Variants in CSMD1 observed in about 807,000 individuals in gnomAD.
CSMD1 encodes CUB and Sushi multiple domains 1, also known as CUB and sushi domain-containing protein 1.
Under a neutral mutation model 417.5 loss-of-function variants are expected in CSMD1, and 213 were observed. That is an observed-to-expected ratio of 0.51 (90% CI 0.46 to 0.57). The LOEUF (loss-of-function observed/expected upper bound fraction) is 0.57, where lower values mean the gene tolerates loss of function less well. CSMD1 is among the 20% of genes least tolerant of loss of function. The pLI, the probability that CSMD1 is intolerant of heterozygous loss-of-function variation, is 0.00. For missense variants in CSMD1, 6,923 were observed against 4,529.7 expected (o/e 1.53, Z -15.17); for synonymous variants, 2,862 against 1,736.8 (o/e 1.65, Z -16.11).
intron 2 of CSMD1, among the ~76,000 whole-genome samples, chr8:4,495,532 G>T (rs1424259881): frequency 6.6e-6 from 1 of 151,930 alleles, no homozygotes; most frequent in East Asian, 1.9e-4. Context: ...CCAGTATCTC[G>T]CCACTGCACT....
At chr8:3,541,222 C>G (rs775027434) in intron 10 of CSMD1, among the ~76,000 whole-genome samples, 3 of 152,200 alleles carry the variant, frequency 2.0e-5, no homozygotes, top group African/African-American at 7.2e-5. Flanking sequence ...AGATCACGTG[C>G]TTTGCAGGAA....
chr8:3,690,589 G>A (rs935126929), intron 7 of CSMD1, among the ~76,000 whole-genome samples: 8 of 152,134 alleles, frequency 5.3e-5, no homozygotes, highest in Non-Finnish European at 1.2e-4. Flanking sequence ...TCAGTGAGAT[G>A]TGATTCAACG....
At chr8:4,307,143 C>G (rs190065168) in intron 3 of CSMD1, among the ~76,000 whole-genome samples, 43 of 152,238 alleles carry the variant, frequency 2.8e-4, no homozygotes, top group African/African-American at 7.0e-4. Flanking sequence ...ACTGAGTTCC[C>G]ATTTCTACTT....
chr8:4,932,119 G>A (rs1042830241), intron 1 of CSMD1, among the ~76,000 whole-genome samples: 3 of 152,164 alleles, frequency 2.0e-5, no homozygotes, highest in Non-Finnish European at 2.9e-5. Flanking sequence ...ATCTTTCAAT[G>A]TTTAATCACA....
chr8:4,047,226 C>A (rs1798193695), intron 3 of CSMD1, among the ~76,000 whole-genome samples: 1 of 152,020 alleles, frequency 6.6e-6, no homozygotes, highest in South Asian at 2.1e-4. Flanking sequence ...CAGTCTGACT[C>A]TAGTGTTCAT....
intron 12 of CSMD1, among the ~76,000 whole-genome samples, chr8:3,463,632 C>G (rs1419414452): frequency 6.6e-6 from 1 of 152,190 alleles, no homozygotes; most frequent in African/African-American, 2.4e-5. Context: ...GTCCTCGGTT[C>G]AGGGACAGCA....
chr8:3,418,673 C>T (rs893411785), intron 12 of CSMD1, among the ~76,000 whole-genome samples: 4 of 152,058 alleles, frequency 2.6e-5, no homozygotes, highest in Non-Finnish European at 5.9e-5. Context: ...TCCAGTGATC[C>T]CACTGCCCTG....
chr8:4,040,535 G>C (rs1188605657), intron 3 of CSMD1, among the ~76,000 whole-genome samples: 1 of 152,154 alleles, frequency 6.6e-6, no homozygotes, highest in Non-Finnish European at 1.5e-5. Flanking sequence ...CAGAAGAGGT[G>C]ATGATAAAGT....
chr8:3,790,471 T>G (rs935153520), intron 5 of CSMD1, among the ~76,000 whole-genome samples: 1 of 152,284 alleles, frequency 6.6e-6, no homozygotes, highest in East Asian at 1.9e-4. Flanking sequence ...ATGTTGATGG[T>G]GATGCTAATG....
chr8:3,457,094 G>T (rs1237290852), intron 12 of CSMD1, among the ~76,000 whole-genome samples: 3 of 150,196 alleles, frequency 2.0e-5, no homozygotes, highest in Non-Finnish European at 4.4e-5. Flanking sequence ...TCTCTTCCTG[G>T]ACCCCTCCCT....
chr8:4,182,416 C>A (rs1436335186), intron 3 of CSMD1, among the ~76,000 whole-genome samples: 1 of 152,082 alleles, frequency 6.6e-6, no homozygotes, highest in African/African-American at 2.4e-5. Context: ...AATGCTGAAC[C>A]TGCCCAGCCC....
chr8:3,518,150 ATG>A (rs1395224482), intron 10 of CSMD1, among the ~76,000 whole-genome samples: 1 of 152,118 alleles, frequency 6.6e-6, no homozygotes. Context: ...AAAAAAAAGA[ATG>A]GAAATATACC....
intron 5 of CSMD1, among the ~76,000 whole-genome samples, chr8:3,843,102 T>A (rs1187866464): frequency 6.6e-6 from 1 of 152,192 alleles, no homozygotes; most frequent in Non-Finnish European, 1.5e-5. Flanking sequence ...TTTTATTTAT[T>A]CTTTAGAGAG....
chr8:3,739,349 G>A (rs897701076), intron 6 of CSMD1, among the ~76,000 whole-genome samples: 4 of 152,188 alleles, frequency 2.6e-5, no homozygotes, highest in African/African-American at 9.7e-5. Context: ...GCACCACAGT[G>A]TGACTGTAGT....
rs1798444969 is a variant in CSMD1, at chr8:4,441,095, G to GTTTTTTTTTCTTTTTTTT, written c.303-21031_303-21030insAAAAAAAAGAAAAAAAAA. ...AATAATTTGACTCGTTAATCAAAAG[G>GTTTTTTTTTCTTTTTTTT]TTTTTTTTTTTTTTTTTTTTTTTAA... On this transcript the variant is annotated intron_variant, in intron 2 of 69. Transcript: ENST00000635120. Among the ~76,000 whole-genome samples the GTTTTTTTTTCTTTTTTTT allele has an allele frequency of 3.9e-5, 2 of 51,296 alleles. 1 individual carries two copies. The highest frequency in any genetic ancestry group is 7.2e-5 in the Non-Finnish European group (2 of 27,812). The allele number at this position is 51,296 out of a possible 152,430, so 33.7% of individuals were successfully genotyped here.
chr8:3,445,165 AAC>A (rs2117078105), intron 12 of CSMD1, among the ~76,000 whole-genome samples: 1 of 152,346 alleles, frequency 6.6e-6, no homozygotes, highest in East Asian at 1.9e-4. Flanking sequence ...TCACAATCAT[AAC>A]ACAGTACACT....
chr8:3,062,880 G>C (rs960920805), intron 49 of CSMD1, among the ~76,000 whole-genome samples: 2 of 152,116 alleles, frequency 1.3e-5, no homozygotes, highest in African/African-American at 4.8e-5. Context: ...TCTACTTTTA[G>C]AGTGTTGTTC....
At chr8:4,093,570 GA>G (rs995522591) in intron 3 of CSMD1, among the ~76,000 whole-genome samples, 1 of 152,090 alleles carries the variant, frequency 6.6e-6, no homozygotes, top group Admixed American at 6.5e-5. Flanking sequence ...ACACCACATT[GA>G]AAAAAAGTGG....
At chr8:4,120,995 C>A (rs1802455024) in intron 3 of CSMD1, among the ~76,000 whole-genome samples, 2 of 152,134 alleles carry the variant, frequency 1.3e-5, no homozygotes, top group Non-Finnish European at 2.9e-5. Flanking sequence ...AAACATGAAC[C>A]TTTTGATGGC....
Sources: gnomAD v4.1 joint callset for allele counts (sites outside exome capture counted in the v4.1 genomes callset) on GRCh38, gnomAD v4.1.1 for gene constraint, MANE v1.5 for transcripts, NCBI Gene and HGNC (gene_info 2026-07-23, HGNC 2026-07-21) for gene names.